Variants in OSBPL9 observed in about 807,000 individuals in gnomAD.
The protein encoded by OSBPL9 is oxysterol-binding protein-related protein 9.
In OSBPL9, 40 loss-of-function variants were observed where a neutral mutation model predicts 106.6. The ratio of observed to expected loss-of-function variants is 0.38; its 90% CI spans 0.29 to 0.49. The LOEUF (loss-of-function observed/expected upper bound fraction) is 0.49, where lower values mean the gene tolerates loss of function less well. OSBPL9 is among the 20% of genes least tolerant of loss of function. OSBPL9 has a pLI of 0.97. For synonymous variants in OSBPL9, 269 were observed against 295.4 expected (o/e 0.91, Z 0.92); for missense variants, 609 against 887.2 (o/e 0.69, Z 3.98).
chr1:51,614,192 G>C (rs1158629323), upstream of OSBPL9: 1 of 152,154 alleles, frequency 6.6e-6, no homozygotes, highest in African/African-American at 2.4e-5. Flanking sequence ...AGAGAAACAG[G>C]ATGCTCATTT....
intron 1 of OSBPL9, among the ~76,000 whole-genome samples, chr1:51,585,510 G>T (rs986369598): frequency 1.3e-5 from 2 of 152,178 alleles, no homozygotes; most frequent in African/African-American, 4.8e-5. Flanking sequence ...AGGCGCAGTG[G>T]CTCATGCATG....
At chr1:51,597,636 T>C (rs1367969750) in intron 1 of OSBPL9, among the ~76,000 whole-genome samples, 1 of 152,044 alleles carries the variant, frequency 6.6e-6, no homozygotes, top group Non-Finnish European at 1.5e-5. Flanking sequence ...GAGGAGCAAT[T>C]GGCCAAGAAC....
chr1:51,574,289 T>A (rs1464069715), upstream of OSBPL9, among the ~76,000 whole-genome samples: 2 of 152,114 alleles, frequency 1.3e-5, no homozygotes, highest in Non-Finnish European at 2.9e-5. Context: ...CCATGACAAT[T>A]AAGAGCTGAA....
At chr1:51,735,520 T>C (rs1182158229) in intron 4 of OSBPL9, among the ~76,000 whole-genome samples, 1 of 152,250 alleles carries the variant, frequency 6.6e-6, no homozygotes, top group Non-Finnish European at 1.5e-5. Context: ...CTCGTCCTTA[T>C]AACTTTCTCC....
chr1:51,542,337 G>A, the OSBPL9 span, among the ~76,000 whole-genome samples: 1 of 152,222 alleles, frequency 6.6e-6, no homozygotes, highest in African/African-American at 2.4e-5. Context: ...CACACACTGA[G>A]TAAGAGTCAT....
intron 4 of OSBPL9, among the ~76,000 whole-genome samples, chr1:51,723,397 A>G (rs1261618743): frequency 6.6e-6 from 1 of 152,198 alleles, no homozygotes; most frequent in Non-Finnish European, 1.5e-5. Context: ...GGAATCACAC[A>G]GTATGCAGCC....
At chr1:51,783,381 T>G (rs1676858611) in intron 17 of OSBPL9, among the ~76,000 whole-genome samples, 1 of 150,114 alleles carries the variant, frequency 6.7e-6, no homozygotes, top group Admixed American at 6.7e-5. Context: ...AGTCAGTGTA[T>G]CACTATGTTG....
chr1:51,642,377 G>A (rs1219879213), intron 1 of OSBPL9, among the ~76,000 whole-genome samples: 1 of 152,070 alleles, frequency 6.6e-6, no homozygotes, highest in Non-Finnish European at 1.5e-5. Context: ...GTACTTGGCA[G>A]GCTCTTAATT....
intron 6 of OSBPL9, among the ~76,000 whole-genome samples, chr1:51,747,244 G>A (rs1447574512): frequency 1.3e-5 from 2 of 152,178 alleles, no homozygotes. Context: ...TGGGATTACA[G>A]GTGTGAGCCA....
At chr1:51,716,035 A>G (rs138839445) in intron 4 of OSBPL9, among the ~76,000 whole-genome samples, 175 of 152,286 alleles carry the variant, frequency 1.1e-3, no homozygotes, top group Middle Eastern at 3.4e-3. Flanking sequence ...TCAGGTTCCT[A>G]ACTAGATCCA....
At chr1:51,638,176 A>G (rs1431212905) in intron 1 of OSBPL9, among the ~76,000 whole-genome samples, 1 of 152,198 alleles carries the variant, frequency 6.6e-6, no homozygotes, top group African/African-American at 2.4e-5. Flanking sequence ...ATCAATAGAC[A>G]TTAAATCTGA....
At chr1:51,646,624 A>G (rs574325260) in intron 1 of OSBPL9, among the ~76,000 whole-genome samples, 4 of 151,026 alleles carry the variant, frequency 2.6e-5, no homozygotes, top group Non-Finnish European at 5.9e-5. Context: ...GCTCACTACA[A>G]CCTCCTGGGT....
intron 2 of OSBPL9, among the ~76,000 whole-genome samples, chr1:51,658,332 G>A (rs572826905): frequency 2.6e-5 from 4 of 151,828 alleles, no homozygotes; most frequent in South Asian, 4.1e-4. Flanking sequence ...ACTCAAACAC[G>A]GTGTTTGGAG....
intron 3 of OSBPL9, among the ~76,000 whole-genome samples, chr1:51,674,592 C>T (rs1391912090): frequency 6.6e-6 from 1 of 152,168 alleles, no homozygotes; most frequent in African/African-American, 2.4e-5. Context: ...GTAGGTAGAA[C>T]TAGAAGTTGA....
chr1:51,665,957 C>T (rs1361748016), intron 2 of OSBPL9, among the ~76,000 whole-genome samples: 2 of 152,196 alleles, frequency 1.3e-5, no homozygotes, highest in East Asian at 1.9e-4. Flanking sequence ...AAGTGATTCT[C>T]CTGCCTCGGC....
intron 1 of OSBPL9, among the ~76,000 whole-genome samples, chr1:51,617,879 A>T (rs1019237999): frequency 2.0e-5 from 3 of 152,192 alleles, no homozygotes; most frequent in Non-Finnish European, 4.4e-5. Context: ...CAGCGAAGAG[A>T]GACAAGTGAT....
intron 1 of OSBPL9, among the ~76,000 whole-genome samples, chr1:51,580,604 A>G (rs111749052): frequency 6.6e-6 from 1 of 152,006 alleles, no homozygotes; most frequent in African/African-American, 2.4e-5. Context: ...TTTACAGAGA[A>G]CCTATGCTGT....
chr1:51,646,775 T>C (rs1295909474), intron 1 of OSBPL9, among the ~76,000 whole-genome samples: 1 of 152,196 alleles, frequency 6.6e-6, no homozygotes, highest in Non-Finnish European at 1.5e-5. Context: ...CCTCAAGTGA[T>C]CCACCTGTTG....
chr1:51,650,141 T>A (rs1646425842), intron 1 of OSBPL9, among the ~76,000 whole-genome samples: 1 of 152,160 alleles, frequency 6.6e-6, no homozygotes, highest in Admixed American at 6.5e-5. Context: ...ACTCCCAAAG[T>A]GCTGGATTAG....
Sources: allele counts gnomAD v4.1 joint callset (sites outside exome capture counted in the v4.1 genomes callset), GRCh38; gene constraint gnomAD v4.1.1; transcripts MANE v1.5; gene names NCBI Gene and HGNC (gene_info 2026-07-23, HGNC 2026-07-21).